BICC1: variants seen among roughly 807,000 people sequenced by gnomAD.
BICC1 encodes protein bicaudal C homolog 1.
BICC1 carries 43 observed loss-of-function variants against 111.0 expected under a neutral mutation model. The ratio of observed to expected loss-of-function variants is 0.39; its 90% CI spans 0.30 to 0.50. The LOEUF is 0.50. Among genes scored for constraint, BICC1 ranks in the 20% least tolerant of loss-of-function variants. The pLI, the probability that BICC1 is intolerant of heterozygous loss-of-function variation, is 0.88. For synonymous variants in BICC1, 467 were observed against 434.4 expected, an observed-to-expected ratio of 1.07 and a Z score of -0.93; for missense variants, 1,091 against 1,203.2, an observed-to-expected ratio of 0.91 and a Z score of 1.38.
chr10:58,759,219 C>G (rs987128886), intron 3 of BICC1, among the ~76,000 whole-genome samples: 8 of 152,010 alleles, frequency 5.3e-5, no homozygotes, highest in African/African-American at 9.7e-5. Context: ...CTCAGCCTCC[C>G]AAAGTGCTGC....
chr10:58,695,496 T>C (rs1840041656), intron 2 of BICC1, among the ~76,000 whole-genome samples: 1 of 152,194 alleles, frequency 6.6e-6, no homozygotes. Context: ...ATGATGAATT[T>C]TGAAGAGAGT....
intron 2 of BICC1, among the ~76,000 whole-genome samples, chr10:58,696,358 T>A (rs954880855): frequency 2.0e-5 from 3 of 152,118 alleles, no homozygotes; most frequent in Non-Finnish European, 4.4e-5. Flanking sequence ...TTTTCTTACA[T>A]CAACAATCTT....
chr10:58,534,222 C>T (rs1842766043), intron 1 of BICC1, among the ~76,000 whole-genome samples: 1 of 151,668 alleles, frequency 6.6e-6, no homozygotes, highest in Non-Finnish European at 1.5e-5. Flanking sequence ...GTATTGCTAG[C>T]ATGCCTCTCC....
intron 2 of BICC1, among the ~76,000 whole-genome samples, chr10:58,655,566 G>A (rs1384118386): frequency 1.7e-5 from 1 of 57,872 alleles, no homozygotes; most frequent in Non-Finnish European, 3.7e-5. Context: ...TTGCTTATCA[G>A]CTTAAGGAGA....
intron 2 of BICC1, chr10:58,648,596 T>A (rs890111702): frequency 1.0e-6 from 1 of 984,210 alleles, no homozygotes; most frequent in African/African-American, 1.7e-5. Context: ...TCTCTCTCTC[T>A]CTTTCTCTCT....
At chr10:58,551,685 C>G (rs1286758167) in intron 1 of BICC1, among the ~76,000 whole-genome samples, 1 of 152,122 alleles carries the variant, frequency 6.6e-6, no homozygotes, top group Non-Finnish European at 1.5e-5. Flanking sequence ...AACCATCATT[C>G]TACTATTTGT....
At chr10:58,546,265 T>C (rs750198892) in intron 1 of BICC1, among the ~76,000 whole-genome samples, 12 of 152,064 alleles carry the variant, frequency 7.9e-5, no homozygotes, top group Non-Finnish European at 1.5e-4. Flanking sequence ...ATACTGAACA[T>C]AGGGAGTGGT....
chr10:58,769,283 AAC>A (rs3076306), intron 3 of BICC1, among the ~76,000 whole-genome samples: 104,136 of 145,206 alleles, frequency 0.72, 37,775 homozygotes, highest in Admixed American at 0.82. Flanking sequence ...AAATGTTCTC[AAC>A]ACACACACAC....
chr10:58,702,694 G>A (rs1302897179), intron 3 of BICC1, among the ~76,000 whole-genome samples: 1 of 152,118 alleles, frequency 6.6e-6, no homozygotes, highest in Non-Finnish European at 1.5e-5. Flanking sequence ...TGAAACTAAA[G>A]GCCTCCCTAG....
At chr10:58,604,244 T>C (rs559247287) in intron 1 of BICC1, among the ~76,000 whole-genome samples, 2 of 152,228 alleles carry the variant, frequency 1.3e-5, no homozygotes, top group Non-Finnish European at 2.9e-5. Context: ...TGAGACTTGC[T>C]ACTGCTGTAT....
At chr10:58,676,827 CTG>C (rs1447902387) in intron 2 of BICC1, among the ~76,000 whole-genome samples, 1 of 152,168 alleles carries the variant, frequency 6.6e-6, no homozygotes, top group African/African-American at 2.4e-5. Context: ...GGGTGTCCCT[CTG>C]GGAAAAAGCT....
intron 1 of BICC1, among the ~76,000 whole-genome samples, chr10:58,614,360 G>A (rs558989141): frequency 1.2e-4 from 19 of 152,242 alleles, no homozygotes; most frequent in African/African-American, 4.6e-4. Context: ...CAACTCATCA[G>A]CATCTTTTAC....
At chr10:58,526,403 A>G (rs1276693273) in intron 1 of BICC1, among the ~76,000 whole-genome samples, 4 of 151,636 alleles carry the variant, frequency 2.6e-5, no homozygotes, top group South Asian at 2.1e-4. Context: ...TTTTTTCTTA[A>G]TTATACTTTA....
intron 3 of BICC1, among the ~76,000 whole-genome samples, chr10:58,771,895 C>A (rs1204558293): frequency 6.6e-6 from 1 of 152,126 alleles, no homozygotes; most frequent in Non-Finnish European, 1.5e-5. Context: ...TAACAGCTCA[C>A]CTTTGCTTTT....
chr10:58,556,608 G>C (rs1021354138), intron 1 of BICC1, among the ~76,000 whole-genome samples: 1 of 151,962 alleles, frequency 6.6e-6, no homozygotes, highest in African/African-American at 2.4e-5. Context: ...TCACTCTTCA[G>C]ATTGCTCATG....
intron 1 of BICC1, among the ~76,000 whole-genome samples, chr10:58,605,364 T>C (rs1157333971): frequency 1.3e-5 from 2 of 152,232 alleles, no homozygotes; most frequent in African/African-American, 2.4e-5. Context: ...GAAATCTGTT[T>C]ATTGCATTCT....
chr10:58,548,409 A>G (rs1843197171), intron 1 of BICC1, among the ~76,000 whole-genome samples: 2 of 152,180 alleles, frequency 1.3e-5, no homozygotes, highest in South Asian at 4.1e-4. Context: ...CATCTTTCCC[A>G]TTCCATCACT....
intron 2 of BICC1, among the ~76,000 whole-genome samples, chr10:58,690,271 C>T (rs1318254357): frequency 1.3e-5 from 2 of 151,342 alleles, no homozygotes; most frequent in Admixed American, 6.6e-5. Flanking sequence ...GCATGTGTCT[C>T]ATGATGGACA....
chr10:58,649,458 T>C (rs1274174300), intron 2 of BICC1, among the ~76,000 whole-genome samples: 1 of 152,156 alleles, frequency 6.6e-6, no homozygotes, highest in Non-Finnish European at 1.5e-5. Context: ...TCAGATATTC[T>C]GCTGGTATCA....
Sources: gnomAD v4.1 joint callset for allele counts (sites outside exome capture counted in the v4.1 genomes callset) on GRCh38, gnomAD v4.1.1 for gene constraint, MANE v1.5 for transcripts, NCBI Gene and HGNC (gene_info 2026-07-23, HGNC 2026-07-21) for gene names.